The following PHF24 variants were observed in gnomAD, a reference collection of about 807,000 sequenced individuals.
PHF24 encodes the protein Galpha inhibitory interacting protein.
A neutral mutation model predicts 42.6 loss-of-function variants in PHF24; 25 were observed. That is an observed-to-expected ratio of 0.59 (90% confidence interval 0.43 to 0.82). PHF24 has a LOEUF of 0.82. Ranked by LOEUF, PHF24 falls within the 40% of genes least tolerant of loss-of-function variation. The pLI is 0.00. For synonymous variants in PHF24, 185 were observed against 204.8 expected (o/e 0.90, Z 0.83); for missense variants, 470 against 538.1 (o/e 0.87, Z 1.25).
chr9:34,787,409 A>G, the PHF24 span, among the ~76,000 whole-genome samples: 1 of 152,174 alleles, frequency 6.6e-6, no homozygotes, highest in Non-Finnish European at 1.5e-5. Flanking sequence ...TTTGAGATGT[A>G]TCTAGGCAAG....
the PHF24 span, among the ~76,000 whole-genome samples, chr9:34,782,025 G>C: frequency 6.6e-6 from 1 of 152,160 alleles, no homozygotes; most frequent in Non-Finnish European, 1.5e-5. Flanking sequence ...ACCCATAATG[G>C]GACAGGAAGC....
chr9:34,939,023 G>A, the PHF24 span, among the ~76,000 whole-genome samples: 1 of 149,726 alleles, frequency 6.7e-6, no homozygotes, highest in African/African-American at 2.4e-5. Flanking sequence ...CCTTTCACCT[G>A]TAATCCCAGC....
the PHF24 span, among the ~76,000 whole-genome samples, chr9:34,810,010 C>CCG: frequency 6.9e-6 from 1 of 145,426 alleles, no homozygotes; most frequent in South Asian, 2.4e-4. Context: ...GCCGCCGCCG[C>CCG]CCACGCGCCG....
At chr9:34,854,873 G>A in the PHF24 span, among the ~76,000 whole-genome samples, 1 of 152,054 alleles carries the variant, frequency 6.6e-6, no homozygotes, top group Non-Finnish European at 1.5e-5. Context: ...ATTGTCAGTG[G>A]GATGTTAAAA....
the PHF24 span, chr9:34,833,238 C>T: frequency 6.5e-7 from 1 of 1,549,272 alleles, no homozygotes; most frequent in East Asian, 2.4e-5. Flanking sequence ...CAGGGTTCCT[C>T]CAGGCTGGGG....
the PHF24 span, among the ~76,000 whole-genome samples, chr9:34,820,720 G>A: frequency 6.6e-6 from 1 of 152,118 alleles, no homozygotes; most frequent in Non-Finnish European, 1.5e-5. Context: ...CTTTATGGTA[G>A]GATGATTTAT....
At chr9:34,723,424 G>C in the PHF24 span, 1 of 1,551,754 alleles carries the variant, frequency 6.4e-7, no homozygotes, top group South Asian at 1.2e-5. Context: ...GGGCCTTGGA[G>C]CACCCTGTCG....
the PHF24 span, among the ~76,000 whole-genome samples, chr9:34,781,430 C>T: frequency 6.6e-6 from 1 of 151,894 alleles, no homozygotes; most frequent in Non-Finnish European, 1.5e-5. Context: ...GAATAGATAA[C>T]CTAATGGTTT....
At chr9:34,711,701 T>A in the PHF24 span, among the ~76,000 whole-genome samples, 238 of 152,138 alleles carry the variant, frequency 1.6e-3, 5 homozygotes, top group East Asian at 0.041. Context: ...TGTCACCACA[T>A]CCAGCTAATT....
At chr9:34,767,900 C>T in the PHF24 span, among the ~76,000 whole-genome samples, 41 of 152,292 alleles carry the variant, frequency 2.7e-4, no homozygotes, top group South Asian at 1.0e-3. Context: ...CACTTTCATG[C>T]GGTATCACTA....
At chr9:34,771,859 G>T in the PHF24 span, among the ~76,000 whole-genome samples, 1 of 152,186 alleles carries the variant, frequency 6.6e-6, no homozygotes, top group Non-Finnish European at 1.5e-5. Context: ...CAAGGGTAAG[G>T]TTGCGGAGGC....
the PHF24 span, among the ~76,000 whole-genome samples, chr9:34,795,351 G>A: frequency 6.6e-6 from 1 of 152,014 alleles, no homozygotes; most frequent in Non-Finnish European, 1.5e-5. Flanking sequence ...TCTATAACTA[G>A]TGAAAATATT....
chr9:34,980,420 G>A (rs1252185841), exon 8 of PHF24: 2 of 152,252 alleles, frequency 1.3e-5, no homozygotes, highest in African/African-American at 4.8e-5. Flanking sequence ...GATCCCAGGG[G>A]ACACTTCCCT....
chr9:34,919,288 C>T, the PHF24 span, among the ~76,000 whole-genome samples: 1 of 152,184 alleles, frequency 6.6e-6, no homozygotes, highest in Admixed American at 6.5e-5. Context: ...AAACATTTAT[C>T]ATTTCCTTGT....
At chr9:34,837,021 A>G in the PHF24 span, 1 of 468,180 alleles carries the variant, frequency 2.1e-6, no homozygotes, top group South Asian at 1.6e-5. Flanking sequence ...AAAAATCACC[A>G]CAGGCCAGGC....
chr9:34,704,006 C>T, the PHF24 span, among the ~76,000 whole-genome samples: 1 of 151,822 alleles, frequency 6.6e-6, no homozygotes, highest in Non-Finnish European at 1.5e-5. Flanking sequence ...GCATGAGCCA[C>T]GGTTCCTGGC....
At chr9:34,875,940 ACACACACACACTCTCTCTCTCT>A in the PHF24 span, among the ~76,000 whole-genome samples, 36 of 89,224 alleles carry the variant, frequency 4.0e-4, no homozygotes, top group South Asian at 2.3e-3. Context: ...ACACACACAC[ACACACACACACTCTCTCTCTCT>A]CTCTCTCTCT....
chr9:34,933,731 A>T, the PHF24 span, among the ~76,000 whole-genome samples: 840 of 151,460 alleles, frequency 5.5e-3, 9 homozygotes, highest in African/African-American at 0.019. Context: ...TCTCAAAAAA[A>T]AAAAAACAAA....
At chr9:34,744,830 A>C in the PHF24 span, among the ~76,000 whole-genome samples, 4 of 152,130 alleles carry the variant, frequency 2.6e-5, no homozygotes, top group Non-Finnish European at 5.9e-5. Flanking sequence ...AAACATTCCA[A>C]GTGGATGGAG....
Sources: allele counts gnomAD v4.1 joint callset (sites outside exome capture counted in the v4.1 genomes callset), GRCh38; gene constraint gnomAD v4.1.1; transcripts MANE v1.5; gene names NCBI Gene and HGNC (gene_info 2026-07-23, HGNC 2026-07-21).